The following FUT8 variants were observed in gnomAD, a reference collection of about 807,000 sequenced individuals.
FUT8 encodes the protein fucosyltransferase 8.
Under a neutral mutation model 71.3 loss-of-function variants are expected in FUT8, and 29 were observed. That is an observed-to-expected ratio of 0.41 (90% CI 0.30 to 0.55). FUT8 has a LOEUF of 0.55. Among genes scored for constraint, FUT8 ranks in the 20% least tolerant of loss-of-function variants. The probability of loss-of-function intolerance (pLI) is 0.34; values close to 1 mark genes in which losing one functional copy is unlikely to be tolerated. For synonymous variants in FUT8, 254 were observed against 239.3 expected (o/e 1.06, Z -0.57); for missense variants, 544 against 702.1 (o/e 0.77, Z 2.55).
At chr14:65,558,985 A>AT (rs1271860277) in intron 2 of FUT8, among the ~76,000 whole-genome samples, 29 of 152,146 alleles carry the variant, frequency 1.9e-4, no homozygotes, top group Non-Finnish European at 8.8e-5. Context: ...TCTCTTAGAT[A>AT]TTTTTGGTAA....
intron 6 of FUT8, among the ~76,000 whole-genome samples, chr14:65,633,536 A>C (rs1254770570): frequency 6.7e-6 from 1 of 148,654 alleles, no homozygotes; most frequent in Non-Finnish European, 1.5e-5. Flanking sequence ...GGAAGTGAGG[A>C]GCGCCTCTTC....
intron 7 of FUT8, among the ~76,000 whole-genome samples, chr14:65,683,158 C>T (rs112779354): frequency 0.026 from 3,917 of 151,948 alleles, 163 homozygotes; most frequent in African/African-American, 0.09. Flanking sequence ...GAATTACAGG[C>T]GCCCACCATC....
intron 2 of FUT8, chr14:65,468,404 T>C (rs1566766186): frequency 2.0e-5 from 9 of 441,840 alleles, no homozygotes; most frequent in African/African-American, 4.1e-5. Context: ...TTTTTTTTTT[T>C]TTTTAACACT....
At chr14:65,538,582 G>C (rs1211512725) in intron 2 of FUT8, among the ~76,000 whole-genome samples, 1 of 152,084 alleles carries the variant, frequency 6.6e-6, no homozygotes, top group Non-Finnish European at 1.5e-5. Context: ...GTGAGACAAA[G>C]ACCCCACCAT....
chr14:65,723,799 T>C (rs1348804990), intron 8 of FUT8, among the ~76,000 whole-genome samples: 1 of 152,176 alleles, frequency 6.6e-6, no homozygotes, highest in Non-Finnish European at 1.5e-5. Context: ...AAATCTTAAG[T>C]TGTATTCAGT....
At position 65,669,715 on chromosome 14, in the gene FUT8, T is replaced by C. The variant is rs528211217; in HGVS notation, c.835+235T>C. On this transcript the variant is annotated intron_variant, in intron 7 of 10. Coordinates refer to ENST00000673929, the MANE Select transcript of FUT8 (RefSeq NM_001371533.1). The surrounding 1 kb of genome is among the most constrained non-coding windows in gnomAD (Gnocchi z 4.5). ...GAATTTAGCAAAATCACTGAGTTTT[T>C]TTCAGGGAGCATAATTTAATCTTTT... 6.6e-6 allele frequency among the ~76,000 whole-genome samples: 1 copy of C among 152,308 alleles called. No homozygotes were observed. The highest frequency in any genetic ancestry group is 2.4e-5 in the African/African-American group (1 of 41,564).
At chr14:65,530,968 T>TTCCC (rs1365608186) in intron 2 of FUT8, among the ~76,000 whole-genome samples, 7 of 146,420 alleles carry the variant, frequency 4.8e-5, no homozygotes, top group East Asian at 4.2e-4. Context: ...TGGTAAAAAG[T>TTCCC]ATGGGAACTT....
intron 6 of FUT8, among the ~76,000 whole-genome samples, chr14:65,655,166 T>A (rs1891609333): frequency 6.6e-6 from 1 of 151,460 alleles, no homozygotes; most frequent in African/African-American, 2.4e-5. Context: ...ATGCAAACAA[T>A]AATCAAAAGA....
At chr14:65,387,391 G>T in the FUT8 span, among the ~76,000 whole-genome samples, 1 of 152,084 alleles carries the variant, frequency 6.6e-6, no homozygotes, top group Admixed American at 6.6e-5. Flanking sequence ...GCCAGTAACC[G>T]CTCCATTCAG....
chr14:65,692,112 T>C lies in FUT8; in HGVS notation c.835+22632T>C, dbSNP rs1471131765. On this transcript the variant is annotated intron_variant, in intron 7 of 10. Coordinates refer to ENST00000673929, the MANE Select transcript of FUT8 (RefSeq NM_001371533.1). ...ATCATGGCCCGTTCTCAATGAGCTGTTGGGTACACCTCCCAGACCGGGTGG... is the reference window on the plus strand; with the variant it reads ...ATCATGGCCCGTTCTCAATGAGCTGCTGGGTACACCTCCCAGACCGGGTGG... Among the ~76,000 whole-genome samples the C allele has an allele frequency of 1.0e-3, 156 of 152,026 alleles. 5 individuals carry two copies. Among genetic ancestry groups the C allele is most frequent in the Non-Finnish European group, 9.9e-4 (67 of 67,974 alleles).
chr14:65,668,813 A>G (rs1892337951), intron 6 of FUT8, among the ~76,000 whole-genome samples: 2 of 152,224 alleles, frequency 1.3e-5, no homozygotes, highest in South Asian at 4.1e-4. Context: ...AAAAAAGAAA[A>G]TGTGGCACAT....
At chr14:65,713,427 T>C (rs1894901818) in intron 7 of FUT8, among the ~76,000 whole-genome samples, 2 of 152,190 alleles carry the variant, frequency 1.3e-5, no homozygotes, top group African/African-American at 4.8e-5. Context: ...AGCAGTGGGA[T>C]TGCTGGATCA....
At chr14:65,484,541 G>A (rs576327431) in intron 2 of FUT8, among the ~76,000 whole-genome samples, 67 of 152,064 alleles carry the variant, frequency 4.4e-4, no homozygotes, top group Middle Eastern at 3.4e-3. Context: ...AGACATGGTG[G>A]CACACACCTG....
rs558404252 is a variant in FUT8 at position 65,654,782 on chromosome 14, G to A, written c.598-14461G>A. Among the ~76,000 whole-genome samples the A allele has an allele frequency of 3.3e-5, 5 of 151,782 alleles. No individual in the cohort carries two copies. The South Asian group carries it at 6.3e-4, about 19-fold the overall frequency. The stretch of plus-strand genomic sequence containing the variant: ...AGCAAATAAAAAACAATAAAGTGGC[G>A]TACTTAAATCCCAACATGTCAATAA... On this transcript the variant is annotated intron_variant, in intron 6 of 10. Coordinates refer to ENST00000673929, the MANE Select transcript of FUT8 (RefSeq NM_001371533.1).
At chr14:65,397,118 A>C in the FUT8 span, among the ~76,000 whole-genome samples, 1 of 152,190 alleles carries the variant, frequency 6.6e-6, no homozygotes, top group East Asian at 1.9e-4. This position sits in a 1 kb window ranked among gnomAD's most constrained non-coding sequence, Gnocchi z 4.2. Flanking sequence ...GGATGATTGG[A>C]ATATGTAGCG....
At chr14:65,389,188 AAT>A in the FUT8 span, among the ~76,000 whole-genome samples, 1 of 149,818 alleles carries the variant, frequency 6.7e-6, no homozygotes, top group African/African-American at 2.5e-5. Context: ...TATATAAAAA[AAT>A]TATTTTTTAT....
At chr14:65,654,058 C>G (rs1348440901) in intron 6 of FUT8, among the ~76,000 whole-genome samples, 5 of 152,168 alleles carry the variant, frequency 3.3e-5, no homozygotes, top group African/African-American at 1.2e-4. Context: ...AGGGAATTGC[C>G]TAATCTTCTC....
chr14:65,667,630 A>G (rs775985476), intron 6 of FUT8, among the ~76,000 whole-genome samples: 2 of 152,192 alleles, frequency 1.3e-5, no homozygotes, highest in Non-Finnish European at 2.9e-5. Flanking sequence ...TGCTATTCCC[A>G]TCAAACTACC....
At chr14:65,693,507 AAG>A (rs1428277451) in intron 7 of FUT8, among the ~76,000 whole-genome samples, 1 of 152,128 alleles carries the variant, frequency 6.6e-6, no homozygotes, top group East Asian at 1.9e-4. Flanking sequence ...AGACCGTGGA[AAG>A]AGAGGGAGAG....
Sources: allele counts gnomAD v4.1 joint callset (sites outside exome capture counted in the v4.1 genomes callset), GRCh38; gene constraint gnomAD v4.1.1; non-coding constraint Gnocchi (gnomAD v3.1); transcripts MANE v1.5; gene names NCBI Gene and HGNC (gene_info 2026-07-23, HGNC 2026-07-21).